The following AK4 variants were observed in gnomAD, a reference collection of about 807,000 sequenced individuals.
AK4 encodes the protein adenylate kinase 4, mitochondrial.
Under a neutral mutation model 24.6 loss-of-function variants are expected in AK4, and 13 were observed. That is an observed-to-expected ratio of 0.53 (90% CI 0.34 to 0.84). The LOEUF is 0.84. AK4 is among the 40% of genes least tolerant of loss of function. AK4 has a pLI of 0.01. For missense variants in AK4, 192 were observed against 288.2 expected (o/e 0.67, Z 2.42); for synonymous variants, 88 against 107.0 (o/e 0.82, Z 1.10).
rs1387694353 is a variant in AK4, at chr1:65,227,577, T to C, written c.*1400T>C. ...GAAGGATGATGAAATTTATTCCTGC[T>C]GCCTTAAAAATATGTATCCCTTCTT... On this transcript the variant is annotated 3_prime_UTR_variant, in exon 5 of 5. Transcript: ENST00000327299. 3.4e-5 allele frequency: 5 copies of C among 146,310 alleles called. No homozygotes were observed. In the East Asian group the frequency reaches 1.0e-3, roughly 30 times the overall value. The allele number at this position is 146,310 out of a possible 1,614,324, so 9.1% of individuals were successfully genotyped here. A position where few individuals can be genotyped will look rare whatever the true frequency, so the allele number is the denominator to read the frequency against.
chr1:65,150,539 C>G (rs528416730), intron 1 of AK4, among the ~76,000 whole-genome samples: 2 of 152,030 alleles, frequency 1.3e-5, no homozygotes, highest in African/African-American at 2.4e-5. Flanking sequence ...TTCGGGTTAT[C>G]GGATTATTTT....
intron 3 of AK4, among the ~76,000 whole-genome samples, chr1:65,219,997 G>A (rs563115011): frequency 2.0e-5 from 3 of 152,234 alleles, no homozygotes; most frequent in Non-Finnish European, 4.4e-5. Flanking sequence ...GAATCATATA[G>A]TATATCTACT....
At chr1:65,172,063 G>GTATAAATATATATATATA (rs1650545271) in intron 1 of AK4, among the ~76,000 whole-genome samples, 1 of 65,746 alleles carries the variant, frequency 1.5e-5, no homozygotes, top group Non-Finnish European at 3.9e-5. Context: ...TCCATCTCAA[G>GTATAAATATATATATATA]TATATATATA....
intron 2 of AK4, among the ~76,000 whole-genome samples, chr1:65,193,682 G>T (rs369720604): frequency 1.8e-4 from 27 of 152,340 alleles, no homozygotes; most frequent in African/African-American, 6.0e-4. Context: ...CAAGCCCCAC[G>T]GTCGGCCCTG....
rs557874124 is a variant in AK4 at position 65,193,965 on chromosome 1, G to A, written c.265+3136G>A. Among the ~76,000 whole-genome samples, 43 of 152,304 alleles carry A rather than the reference G, an allele frequency of 2.8e-4. No individual in the cohort carries two copies. The South Asian group carries it at 8.1e-3, about 29-fold the overall frequency. On this transcript the variant is annotated intron_variant, in intron 2 of 4. Coordinates refer to ENST00000327299, the MANE Select transcript of AK4 (RefSeq NM_013410.4). Reference sequence around the variant, plus strand: ...AAATTAGCCGGGTGTGGTGGCATGTGCCTATAATCCCAGCTACTTGGGAGC... The same window carrying A: ...AAATTAGCCGGGTGTGGTGGCATGTACCTATAATCCCAGCTACTTGGGAGC...
intron 1 of AK4, among the ~76,000 whole-genome samples, chr1:65,179,951 A>G (rs1650843722): frequency 6.6e-6 from 1 of 152,228 alleles, no homozygotes; most frequent in Non-Finnish European, 1.5e-5. Context: ...CAAGACCTTT[A>G]TACATATGTT....
chr1:65,171,904 G>A (rs1429534961), intron 1 of AK4, among the ~76,000 whole-genome samples: 35 of 150,876 alleles, frequency 2.3e-4, no homozygotes, highest in Admixed American at 2.1e-3. Context: ...CCTAGCTCTA[G>A]TAAAAATAAA....
At chr1:65,214,113 G>A (rs879365877) in intron 2 of AK4, among the ~76,000 whole-genome samples, 3 of 152,010 alleles carry the variant, frequency 2.0e-5, no homozygotes, top group Admixed American at 1.3e-4. Flanking sequence ...GTTGTTGTTT[G>A]TTTGTTTGTT....
intron 1 of AK4, among the ~76,000 whole-genome samples, chr1:65,154,932 C>T (rs976599893): frequency 6.6e-6 from 1 of 151,554 alleles, no homozygotes; most frequent in Non-Finnish European, 1.5e-5. Flanking sequence ...CTCACTGCAA[C>T]CTCTGCCTCC....
At chr1:65,195,384 A>T (rs180742419) in intron 2 of AK4, among the ~76,000 whole-genome samples, 1 of 152,342 alleles carries the variant, frequency 6.6e-6, no homozygotes, top group East Asian at 1.9e-4. Context: ...CTGGGTATTC[A>T]TCATGACTGA....
At chr1:65,177,195 A>G (rs1269327733) in intron 1 of AK4, among the ~76,000 whole-genome samples, 2 of 152,150 alleles carry the variant, frequency 1.3e-5, no homozygotes, top group African/African-American at 4.8e-5. Context: ...AAGGTATTGA[A>G]GACGGGTGTA....
chr1:65,152,541 T>A (rs1649833343), intron 1 of AK4, among the ~76,000 whole-genome samples: 1 of 151,164 alleles, frequency 6.6e-6, no homozygotes, highest in Non-Finnish European at 1.5e-5. Flanking sequence ...TAGCTGGGAC[T>A]ACAGGCACAC....
chr1:65,160,120 T>C (rs1359603148), intron 1 of AK4, among the ~76,000 whole-genome samples: 1 of 152,168 alleles, frequency 6.6e-6, no homozygotes, highest in African/African-American at 2.4e-5. Flanking sequence ...CATTATGTCG[T>C]GCTGACATCT....
intron 1 of AK4, among the ~76,000 whole-genome samples, chr1:65,156,659 C>T (rs553383313): frequency 1.0e-3 from 159 of 152,124 alleles, no homozygotes; most frequent in African/African-American, 3.5e-3. Context: ...CTCGGTGGCT[C>T]ATGCCTGTAA....
rs1570157183 is a variant in AK4 at position 65,230,014 on chromosome 1, T to C, written c.*3837T>C. ...AACTCCTGACTTTTGTACCATTGTC[T>C]ATTCCATTACACATTAACATGACTC... On this transcript the variant is annotated 3_prime_UTR_variant, in exon 5 of 5. Coordinates refer to ENST00000327299, the MANE Select transcript of AK4 (RefSeq NM_013410.4). The C allele has an allele frequency of 6.6e-6, 1 of 152,252 alleles. No homozygotes were observed. The highest frequency in any genetic ancestry group is 2.4e-5 in the African/African-American group (1 of 41,466). 9.4% of individuals were successfully genotyped at this position (152,252 alleles called of 1,614,324 possible).
At chr1:65,167,459 GA>G (rs1185559566) in intron 1 of AK4, among the ~76,000 whole-genome samples, 1 of 146,456 alleles carries the variant, frequency 6.8e-6, no homozygotes, top group Non-Finnish European at 1.5e-5. Context: ...AAGGGAGATA[GA>G]TTTTTTTTTT....
At chr1:65,187,579 T>C (rs996529946) in intron 1 of AK4, among the ~76,000 whole-genome samples, 3 of 152,146 alleles carry the variant, frequency 2.0e-5, no homozygotes, top group South Asian at 2.1e-4. Flanking sequence ...GCAGATGTTA[T>C]AGTGTGTGAA....
At chr1:65,183,477 T>C (rs10789174) in intron 1 of AK4, among the ~76,000 whole-genome samples, 51,885 of 151,974 alleles carry the variant, frequency 0.34, 10,005 homozygotes, top group African/African-American at 0.52. Flanking sequence ...CTCCTGAGCT[T>C]GGGCAACCCA....
chr1:65,209,518 CAG>C (rs756925364), intron 2 of AK4, among the ~76,000 whole-genome samples: 11 of 152,208 alleles, frequency 7.2e-5, no homozygotes, highest in Non-Finnish European at 1.3e-4. Context: ...TCCCTGCCGA[CAG>C]GGGATCTTAC....
Sources: allele counts gnomAD v4.1 joint callset (sites outside exome capture counted in the v4.1 genomes callset), GRCh38; gene constraint gnomAD v4.1.1; transcripts MANE v1.5; gene names NCBI Gene and HGNC (gene_info 2026-07-23, HGNC 2026-07-21).